The following LAMB4 variants were observed in gnomAD, a reference collection of about 807,000 sequenced individuals.
LAMB4 encodes the protein laminin subunit beta-4.
LAMB4 carries 196 observed loss-of-function variants against 199.2 expected under a neutral mutation model. The ratio of observed to expected loss-of-function variants is 0.98; its 90% CI spans 0.88 to 1.11. LAMB4 has a LOEUF of 1.11. LAMB4 is among the 50% of genes least tolerant of loss of function. LAMB4 has a pLI of 0.00. For missense variants in LAMB4, 2,080 were observed against 2,171.2 expected, an observed-to-expected ratio of 0.96 and a Z score of 0.83; for synonymous variants, 744 against 770.6, an observed-to-expected ratio of 0.97 and a Z score of 0.57.
At chr7:108,020,508 A>T (rs1311507696), downstream of LAMB4, among the ~76,000 whole-genome samples, 1 of 151,370 alleles carries the variant, frequency 6.6e-6, no homozygotes, top group Non-Finnish European at 1.5e-5. Flanking sequence ...AAAAGTATGC[A>T]TGTTGTTGTT....
rs754196717 is a variant in LAMB4 at position 108,076,970 on chromosome 7, C to T, written c.2098G>A (p.Ala700Thr). 4.3e-5 allele frequency: 69 copies of T among 1,613,818 alleles called. No homozygotes were observed. In the South Asian group the frequency reaches 6.3e-4, roughly 15 times the overall value. The change falls in exon 17 of 34, where the codon GCT becomes ACT. Residue 700 changes from alanine (A) to threonine (T), a missense_variant. Physicochemically the swap from Ala to Thr is moderately conservative, Grantham distance 58. Transcript: ENST00000388781. Reference protein sequence around the residue: ...FSQPLQGESHAHSHVLVDSLG... With the variant: ...FSQPLQGESHTHSHVLVDSLG... Reference sequence around the variant, plus strand: ...GAGTCCACCAGGACATGTGAATGAGCGTGGGACTCTCCTTGCAAAGGCTGA... The same window carrying T: ...GAGTCCACCAGGACATGTGAATGAGTGTGGGACTCTCCTTGCAAAGGCTGA...
intron 17 of LAMB4, among the ~76,000 whole-genome samples, chr7:108,072,286 T>A (rs2036559611): frequency 6.6e-6 from 1 of 152,164 alleles, no homozygotes; most frequent in Admixed American, 6.5e-5. Flanking sequence ...ATTCTACCTA[T>A]GTGAGCCATC....
At chr7:108,021,938 C>T (rs747816437), downstream of LAMB4, among the ~76,000 whole-genome samples, 18 of 152,002 alleles carry the variant, frequency 1.2e-4, no homozygotes, top group African/African-American at 1.9e-4. Context: ...AATATGGTAC[C>T]GAGGGCACAT....
the LAMB4 span, among the ~76,000 whole-genome samples, chr7:108,012,172 T>C: frequency 6.6e-6 from 1 of 151,838 alleles, no homozygotes; most frequent in African/African-American, 2.4e-5. Flanking sequence ...TATAAACATA[T>C]TTATATAAAC....
At chr7:108,095,364 C>A in intron 11 of LAMB4, 27 bp from the exon 12 acceptor site, 2 of 1,506,934 alleles carry the variant, frequency 1.3e-6, no homozygotes, top group Non-Finnish European at 1.8e-6. Flanking sequence ...CACAATTATT[C>A]TCATTCTTAA....
intron 27 of LAMB4, among the ~76,000 whole-genome samples, chr7:108,048,694 A>T (rs1055608719): frequency 3.4e-5 from 5 of 145,712 alleles, no homozygotes; most frequent in East Asian, 2.0e-4. Flanking sequence ...TTTTTATTTA[A>T]TTATTTATTT....
At chr7:108,035,620 A>G (rs1471018365) in intron 30 of LAMB4, among the ~76,000 whole-genome samples, 3 of 150,676 alleles carry the variant, frequency 2.0e-5, no homozygotes, top group African/African-American at 7.3e-5. Flanking sequence ...AAAAAAAAAA[A>G]AAGAAAAAAA....
In LAMB4 at chr7:108,109,226, A is replaced by T; in HGVS notation, c.347T>A (p.Ile116Asn). Residue 116 changes from isoleucine to asparagine, a missense_variant, in exon 5 of 34, where the codon ATC becomes AAC. Ile to Asn is a moderately radical substitution (Grantham distance 149, BLOSUM62 -3). Coordinates refer to ENST00000388781, the MANE Select transcript of LAMB4 (RefSeq NM_007356.3). ...QSENGLDHVS[I>N]RLDLEALFRF... ...AAATAATGCCTCTAAGTCCAGTCTG[A>T]TGCTGACATGATCAAGACCTAAGGA... is the stretch of plus-strand genomic sequence containing the variant. 3 of 1,613,202 alleles carry T rather than the reference A, an allele frequency of 1.9e-6. No individual in the cohort carries two copies. The highest frequency in any genetic ancestry group is 2.5e-6 in the Non-Finnish European group (3 of 1,179,428).
chr7:108,115,931 C>T, intron 3 of LAMB4, 73 bp downstream of exon 3: 2 of 1,455,130 alleles, frequency 1.4e-6, no homozygotes, highest in Non-Finnish European at 9.5e-7. Flanking sequence ...TCTGAGTAGC[C>T]CCAGGTGTAC....
chr7:108,112,197 T>C (rs1434948259), intron 3 of LAMB4, among the ~76,000 whole-genome samples: 4 of 152,206 alleles, frequency 2.6e-5, no homozygotes, highest in Non-Finnish European at 5.9e-5. Flanking sequence ...TTTTCTGTCA[T>C]ATAAGAGGCA....
Position 108,066,670 on chromosome 7 carries a change from C to CTGG in LAMB4, c.2447-73_2447-71dup, listed in dbSNP as rs2036354930. On this transcript the variant is annotated intron_variant, in intron 19 of 33. Transcript: ENST00000388781. ...GTGTGGTGGTGAAAGAGTTACAGTT[C>CTGG]TGGTGTCTCATTTCCTTTCCCAATC... 7 of 1,007,720 alleles carry CTGG rather than the reference C, an allele frequency of 6.9e-6. No individual in the cohort carries two copies. In the South Asian group the frequency reaches 1.0e-4, roughly 15 times the overall value. 62.4% of individuals were successfully genotyped at this position (1,007,720 alleles called of 1,614,324 possible).
chr7:108,058,725 A>C (rs1441179796), intron 23 of LAMB4, among the ~76,000 whole-genome samples: 1 of 152,106 alleles, frequency 6.6e-6, no homozygotes, highest in Non-Finnish European at 1.5e-5. Flanking sequence ...GTGCAACCTC[A>C]GCTCACTGCA....
At chr7:108,043,372 C>T (rs2035488260) in intron 29 of LAMB4, among the ~76,000 whole-genome samples, 1 of 151,780 alleles carries the variant, frequency 6.6e-6, no homozygotes, top group Non-Finnish European at 1.5e-5. Flanking sequence ...GGAATTTTAA[C>T]TAAATTCTAG....
intron 12 of LAMB4, among the ~76,000 whole-genome samples, chr7:108,093,191 C>G (rs565999339): frequency 6.6e-6 from 1 of 152,114 alleles, no homozygotes; most frequent in Non-Finnish European, 1.5e-5. Flanking sequence ...CTCAGCCTCC[C>G]GAGTAGCTGG....
Position 108,098,410 on chromosome 7 carries a change from G to A in LAMB4, c.1353C>T (p.Gly451=), listed in dbSNP as rs759535263. Residue 451 remains glycine (G), a synonymous_variant, in exon 11 of 34, where the codon GGC becomes GGT. Transcript: ENST00000388781. The part of the protein sequence containing the change: ...HYGLSATDPL[G]CQPCDCNPLG... ...CCCCGATTATGGACTTACGCTGGCA[G>A]CCCAGGGGGTCGGTGGCGCTTAGTC... 3.7e-6 allele frequency: 6 copies of A among 1,607,644 alleles called. No individual in the cohort carries two copies. The highest frequency in any genetic ancestry group is 5.1e-6 in the Non-Finnish European group (6 of 1,177,126).
Position 108,030,947 on chromosome 7 carries a change from C to T in LAMB4, c.4851G>A (p.Glu1617=), listed in dbSNP as rs747415178. The stretch of plus-strand genomic sequence containing the variant: ...CTGATCGCTGCTTTGCTAACTCCAG[C>T]TCACTCTTCATTTCCCTGGTTTGAT... ...AENQTREMKS[E]LELAKQRSGL... is the part of the protein sequence containing the mutation. The change falls in exon 32 of 34, where the codon GAG becomes GAA. Residue 1617 remains glutamate (E), a synonymous_variant. Transcript: ENST00000388781. 3.7e-6 allele frequency: 6 copies of T among 1,613,758 alleles called. No homozygotes were observed. The South Asian group carries it at 6.6e-5, about 18-fold the overall frequency.
Position 108,055,734 on chromosome 7 carries a change from T to C in LAMB4, c.3653A>G (p.Lys1218Arg), listed in dbSNP as rs1339046270. The C allele has an allele frequency of 6.2e-7, 1 of 1,614,194 alleles. No individual in the cohort carries two copies. Among genetic ancestry groups the C allele is most frequent in the Non-Finnish European group, 8.5e-7 (1 of 1,179,990 alleles). Residue 1218 changes from lysine to arginine, a missense_variant, in exon 25 of 34, where the codon AAA becomes AGA. Transcript: ENST00000388781. ...ETLPVCEADF[K>R]DLRGNVSEIE... ...TTCAGACACGTTCCCTCTGAGGTCTTTGAAGTCTGCCTCACAGACAGGCAG... is the reference window on the plus strand; with the variant it reads ...TTCAGACACGTTCCCTCTGAGGTCTCTGAAGTCTGCCTCACAGACAGGCAG...
chr7:108,024,731 A>ATTGG (rs772520611), intron 33 of LAMB4, among the ~76,000 whole-genome samples: 9 of 151,916 alleles, frequency 5.9e-5, no homozygotes, highest in Non-Finnish European at 1.0e-4. Context: ...CCATCCATCC[A>ATTGG]TCCATCCATC....
intron 5 of LAMB4, 87 bp downstream of exon 5, chr7:108,109,084 C>T: frequency 9.9e-7 from 1 of 1,010,620 alleles, no homozygotes; most frequent in Non-Finnish European, 1.6e-6. Flanking sequence ...TTGTTCACTG[C>T]AAGGAAGCAA....
Sources: gnomAD v4.1 joint callset for allele counts (sites outside exome capture counted in the v4.1 genomes callset) on GRCh38, gnomAD v4.1.1 for gene constraint, MANE v1.5 for transcripts, NCBI Gene and HGNC (gene_info 2026-07-23, HGNC 2026-07-21) for gene names.